The following PLXDC2 variants were observed in gnomAD, a reference collection of about 807,000 sequenced individuals.
PLXDC2 encodes plexin domain-containing protein 2.
A neutral mutation model predicts 68.9 loss-of-function variants in PLXDC2; 40 were observed. The ratio of observed to expected loss-of-function variants is 0.58; its 90% confidence interval spans 0.45 to 0.76. The LOEUF is 0.76. PLXDC2 is among the 30% of genes least tolerant of loss of function. The probability of loss-of-function intolerance (pLI) is 0.00; values close to 1 mark genes in which losing one functional copy is unlikely to be tolerated. For missense variants in PLXDC2, 644 were observed against 661.9 expected (o/e 0.97, Z 0.30); for synonymous variants, 243 against 234.2 (o/e 1.04, Z -0.34).
chr10:20,217,386 T>C (rs1393193176), intron 10 of PLXDC2, 40 bp from the exon 11 acceptor site: 1 of 1,547,804 alleles, frequency 6.5e-7, no homozygotes, highest in Non-Finnish European at 8.8e-7. Flanking sequence ...AATAGATTTG[T>C]GATCACTCCA....
At chr10:20,064,474 C>A (rs1414869975) in intron 3 of PLXDC2, among the ~76,000 whole-genome samples, 2 of 152,092 alleles carry the variant, frequency 1.3e-5, no homozygotes, top group Non-Finnish European at 2.9e-5. Context: ...CCTACCTTGG[C>A]CTCCCAAAGT....
At position 20,045,793 on chromosome 10, in the gene PLXDC2, T is replaced by TTACA. The variant is rs1284063595; in HGVS notation, c.325-1074_325-1071dup. Among the ~76,000 whole-genome samples the TTACA allele has an allele frequency of 5.9e-5, 9 of 152,292 alleles. No individual in the cohort carries two copies. In the East Asian group the frequency reaches 1.7e-3, roughly 29 times the overall value. Reference sequence around the variant, plus strand: ...AGACCTATTTATTCAACATTTTTTCTTACATTTACCTGAATGTTTTAAAAT... The same window carrying TTACA: ...AGACCTATTTATTCAACATTTTTTCTTACATACATTTACCTGAATGTTTTAAAAT... On this transcript the variant is annotated intron_variant, in intron 2 of 13. Coordinates refer to ENST00000377252, the MANE Select transcript of PLXDC2 (RefSeq NM_032812.9).
chr10:20,053,140 A>G (rs1245516583), intron 3 of PLXDC2, among the ~76,000 whole-genome samples: 3 of 152,248 alleles, frequency 2.0e-5, no homozygotes, highest in Admixed American at 1.3e-4. Flanking sequence ...CATATTTGAC[A>G]TGTCCAAATA....
intron 13 of PLXDC2, among the ~76,000 whole-genome samples, chr10:20,264,963 G>C (rs74624973): frequency 0.014 from 2,093 of 152,090 alleles, 44 homozygotes; most frequent in African/African-American, 0.047. Context: ...TTCTAGTAAG[G>C]TCGCTGGATG....
intron 2 of PLXDC2, among the ~76,000 whole-genome samples, chr10:20,018,681 G>A (rs185630602): frequency 3.1e-4 from 47 of 152,146 alleles, no homozygotes; most frequent in African/African-American, 1.1e-3. Context: ...TTTAAACAAT[G>A]ACATTTCTTC....
chr10:20,104,862 C>T (rs1833469772), intron 4 of PLXDC2, among the ~76,000 whole-genome samples: 1 of 151,932 alleles, frequency 6.6e-6, no homozygotes, highest in Non-Finnish European at 1.5e-5. Flanking sequence ...ACCATCCTGG[C>T]CAATATGGTG....
chr10:19,934,319 C>T (rs1442976578), intron 1 of PLXDC2, among the ~76,000 whole-genome samples: 1 of 152,184 alleles, frequency 6.6e-6, no homozygotes, highest in South Asian at 2.1e-4. Flanking sequence ...GTTAAAATTA[C>T]TTTGAGGATT....
intron 1 of PLXDC2, among the ~76,000 whole-genome samples, chr10:19,918,298 G>T (rs1212100934): frequency 1.3e-5 from 2 of 152,208 alleles, no homozygotes; most frequent in Admixed American, 6.5e-5. Flanking sequence ...CTTTTCAAAA[G>T]AATGTAATTA....
In PLXDC2 at chr10:20,280,013, A is replaced by T. The variant is rs1836061391; in HGVS notation, c.*194A>T. ...AACAAAAAACTAAAACTTATACAAG[A>T]TACCATTTACACTGAACATAGAATT... is the stretch of plus-strand genomic sequence containing the variant. On this transcript the variant is annotated 3_prime_UTR_variant, in exon 14 of 14. Transcript: ENST00000377252. 1.8e-6 allele frequency: 1 copy of T among 562,618 alleles called. No individual in the cohort carries two copies. Among genetic ancestry groups the T allele is most frequent in the Admixed American group, 3.2e-5 (1 of 31,562 alleles). 34.9% of individuals were successfully genotyped at this position (562,618 alleles called of 1,614,324 possible). A position where few individuals can be genotyped will look rare whatever the true frequency, so the allele number is the denominator to read the frequency against.
At chr10:20,017,725 A>G (rs140787262) in intron 2 of PLXDC2, among the ~76,000 whole-genome samples, 1 of 152,234 alleles carries the variant, frequency 6.6e-6, no homozygotes, top group East Asian at 1.9e-4. Flanking sequence ...AAGGATTTCA[A>G]ACTTTTCAGT....
chr10:20,045,322 C>A (rs1193371692), intron 2 of PLXDC2, among the ~76,000 whole-genome samples: 1 of 152,152 alleles, frequency 6.6e-6, no homozygotes, highest in Non-Finnish European at 1.5e-5. Context: ...AAGCACCCGC[C>A]ACTGCACCCG....
At chr10:20,120,737 C>G (rs1255652746) in intron 4 of PLXDC2, among the ~76,000 whole-genome samples, 1 of 151,892 alleles carries the variant, frequency 6.6e-6, no homozygotes, top group African/African-American at 2.4e-5. Context: ...AGGGAGGGGG[C>G]CTGAATAATC....
chr10:20,194,190 C>CTGTG (rs58142621), intron 9 of PLXDC2, among the ~76,000 whole-genome samples: 17,566 of 143,540 alleles, frequency 0.12, 1,327 homozygotes, highest in African/African-American at 0.2. Flanking sequence ...TTGAACTCAG[C>CTGTG]TGTGTGTGTG....
chr10:19,893,988 G>C (rs2131362153), intron 1 of PLXDC2, among the ~76,000 whole-genome samples: 1 of 152,216 alleles, frequency 6.6e-6, no homozygotes, highest in South Asian at 2.1e-4. Context: ...CCCTAGAGTT[G>C]GATTTGGTGT....
At chr10:19,829,120 C>T (rs1436643849) in intron 1 of PLXDC2, among the ~76,000 whole-genome samples, 10 of 146,796 alleles carry the variant, frequency 6.8e-5, no homozygotes, top group Admixed American at 1.4e-4. Context: ...AAATTGTGCA[C>T]GTGCTTTTAC....
chr10:20,010,065 A>G (rs191444686), intron 2 of PLXDC2, among the ~76,000 whole-genome samples: 4 of 152,248 alleles, frequency 2.6e-5, no homozygotes, highest in East Asian at 1.9e-4. Context: ...ATTAATCAAT[A>G]TTGCTGAAAT....
At chr10:20,072,662 G>A (rs1415861050) in intron 4 of PLXDC2, among the ~76,000 whole-genome samples, 1 of 152,164 alleles carries the variant, frequency 6.6e-6, no homozygotes, top group African/African-American at 2.4e-5. Flanking sequence ...TGAAGGGGGT[G>A]AAGGCAGAAA....
At chr10:19,947,845 G>A (rs541392604) in intron 1 of PLXDC2, among the ~76,000 whole-genome samples, 86 of 151,782 alleles carry the variant, frequency 5.7e-4, no homozygotes, top group African/African-American at 1.9e-3. Flanking sequence ...GGTTTCGTTC[G>A]TGTTTGAGTC....
intron 1 of PLXDC2, among the ~76,000 whole-genome samples, chr10:19,902,885 T>A (rs1838182085): frequency 6.6e-6 from 1 of 152,210 alleles, no homozygotes; most frequent in Non-Finnish European, 1.5e-5. Context: ...GTTTTAATCA[T>A]AAAAGAATGC....
Sources: gnomAD v4.1 joint callset for allele counts (sites outside exome capture counted in the v4.1 genomes callset) on GRCh38, gnomAD v4.1.1 for gene constraint, MANE v1.5 for transcripts, NCBI Gene and HGNC (gene_info 2026-07-23, HGNC 2026-07-21) for gene names.